TASP1: variants seen among roughly 807,000 people sequenced by gnomAD.
TASP1 encodes the protein threonine aspartase 1.
A neutral mutation model predicts 56.6 loss-of-function variants in TASP1; 16 were observed. That is an observed-to-expected ratio of 0.28 (90% CI 0.19 to 0.43). TASP1 has a LOEUF of 0.43. Among genes scored for constraint, TASP1 ranks in the 20% least tolerant of loss-of-function variants. The pLI is 1.00. For missense variants in TASP1, 393 were observed against 511.6 expected (o/e 0.77, Z 2.24); for synonymous variants, 179 against 184.2 (o/e 0.97, Z 0.23).
the TASP1 span, chr20:13,221,843 G>T: frequency 1.4e-6 from 2 of 1,443,626 alleles, no homozygotes; most frequent in African/African-American, 1.5e-5. Flanking sequence ...GCACATCACC[G>T]TGCTGCGCGG....
chr20:13,408,085 T>C (rs2041984286), intron 13 of TASP1, among the ~76,000 whole-genome samples: 1 of 152,154 alleles, frequency 6.6e-6, no homozygotes, highest in African/African-American at 2.4e-5. Flanking sequence ...CTATTTATTT[T>C]TTCTTTTGTT....
chr20:13,129,831 A>G, the TASP1 span, among the ~76,000 whole-genome samples: 2 of 152,300 alleles, frequency 1.3e-5, no homozygotes, highest in East Asian at 3.9e-4. Context: ...GAGGTAGTAG[A>G]TATTTCCCTT....
chr20:13,157,904 T>C, the TASP1 span, among the ~76,000 whole-genome samples: 48 of 152,338 alleles, frequency 3.2e-4, no homozygotes, highest in African/African-American at 1.1e-3. Flanking sequence ...CCTTTGATTT[T>C]ATTAAAGAAT....
chr20:13,278,160 C>G, the TASP1 span, among the ~76,000 whole-genome samples: 2 of 152,306 alleles, frequency 1.3e-5, no homozygotes, highest in Non-Finnish European at 2.9e-5. Context: ...GCCAAAGGAA[C>G]CCAATGCGTC....
chr20:13,225,136 A>G, the TASP1 span, among the ~76,000 whole-genome samples: 2 of 151,590 alleles, frequency 1.3e-5, no homozygotes, highest in Non-Finnish European at 2.9e-5. Context: ...TACAGGCGTG[A>G]GCCACCGCGC....
intron 9 of TASP1, among the ~76,000 whole-genome samples, chr20:13,533,303 C>T (rs966890686): frequency 6.6e-6 from 1 of 152,164 alleles, no homozygotes; most frequent in Non-Finnish European, 1.5e-5. Context: ...ACTCAACAAA[C>T]ATTTATTAAG....
At chr20:13,607,889 C>G (rs568422162) in intron 4 of TASP1, among the ~76,000 whole-genome samples, 2 of 152,230 alleles carry the variant, frequency 1.3e-5, no homozygotes, top group South Asian at 4.1e-4. Context: ...ATCACTTGAA[C>G]CTTGAACCTG....
At chr20:13,114,622 G>A in the TASP1 span, among the ~76,000 whole-genome samples, 2 of 152,200 alleles carry the variant, frequency 1.3e-5, no homozygotes, top group Non-Finnish European at 2.9e-5. Context: ...TAAGGATTGA[G>A]AACTTCAGTG....
chr20:13,606,705 G>A (rs964570033), intron 4 of TASP1, among the ~76,000 whole-genome samples: 1 of 151,530 alleles, frequency 6.6e-6, no homozygotes, highest in African/African-American at 2.4e-5. Flanking sequence ...TACTCGGGAG[G>A]CTAAGGCAGT....
chr20:13,116,786 T>C, the TASP1 span, among the ~76,000 whole-genome samples: 1 of 152,198 alleles, frequency 6.6e-6, no homozygotes, highest in Non-Finnish European at 1.5e-5. Flanking sequence ...TCCTGGGAGC[T>C]TGGCAAAAAT....
intron 1 of TASP1, among the ~76,000 whole-genome samples, chr20:13,638,433 C>G (rs949338660): frequency 4.6e-5 from 7 of 152,014 alleles, no homozygotes; most frequent in Admixed American, 3.3e-4. Context: ...TCCTCCTCCC[C>G]CTGAGTAGTA....
At chr20:13,444,385 A>G (rs1568809982) in intron 11 of TASP1, among the ~76,000 whole-genome samples, 1 of 152,178 alleles carries the variant, frequency 6.6e-6, no homozygotes, top group Non-Finnish European at 1.5e-5. Flanking sequence ...CCTATGCGCC[A>G]AATCACTTGA....
At chr20:13,535,329 GA>G (rs2045373856) in intron 8 of TASP1, among the ~76,000 whole-genome samples, 2 of 152,152 alleles carry the variant, frequency 1.3e-5, no homozygotes, top group Admixed American at 6.5e-5. Context: ...AAGCAAACTG[GA>G]AAACTCAGAA....
the TASP1 span, among the ~76,000 whole-genome samples, chr20:13,311,500 G>A: frequency 6.6e-6 from 1 of 152,160 alleles, no homozygotes; most frequent in Non-Finnish European, 1.5e-5. Flanking sequence ...TTCATTGCAT[G>A]ATTATACTCA....
chr20:13,458,307 T>C lies in TASP1; in HGVS notation c.986-23153A>G, dbSNP rs150998997. ...AAAGGAAGAAAAAGAGTGCCAGTAA[T>C]TCAAATTTTTAATTTCCACAGTTTT... is the stretch of plus-strand genomic sequence containing the variant. On this transcript the variant is annotated intron_variant, in intron 11 of 13. Transcript: ENST00000337743. 2.2e-3 allele frequency among the ~76,000 whole-genome samples: 334 copies of C among 152,262 alleles called. 2 individuals are homozygous for C. The highest frequency in any genetic ancestry group is 6.8e-3 in the Middle Eastern group (2 of 294).
At chr20:13,256,661 T>C in the TASP1 span, among the ~76,000 whole-genome samples, 3 of 152,236 alleles carry the variant, frequency 2.0e-5, no homozygotes, top group African/African-American at 7.2e-5. Context: ...GTCCTTTCTC[T>C]GTATTCTGAG....
chr20:13,174,180 A>G, the TASP1 span, among the ~76,000 whole-genome samples: 1 of 152,198 alleles, frequency 6.6e-6, no homozygotes, highest in African/African-American at 2.4e-5. Context: ...GTACGAATTT[A>G]CAGGTCTGAT....
the TASP1 span, chr20:13,160,228 C>T: frequency 7.1e-7 from 1 of 1,413,936 alleles, no homozygotes; most frequent in Non-Finnish European, 9.4e-7. Context: ...CTGGGTTTCT[C>T]TTGGGTTATT....
the TASP1 span, among the ~76,000 whole-genome samples, chr20:13,276,602 A>G: frequency 6.6e-6 from 1 of 152,192 alleles, no homozygotes; most frequent in Non-Finnish European, 1.5e-5. Context: ...AAAAAAATAT[A>G]CTAAGACACT....
Sources: gnomAD v4.1 joint callset for allele counts (sites outside exome capture counted in the v4.1 genomes callset) on GRCh38, gnomAD v4.1.1 for gene constraint, MANE v1.5 for transcripts, NCBI Gene and HGNC (gene_info 2026-07-23, HGNC 2026-07-21) for gene names.